Variants in COL4A3 observed in about 807,000 individuals in gnomAD.
COL4A3 encodes collagen alpha-3(IV) chain.
In COL4A3, 135 loss-of-function variants were observed where a neutral mutation model predicts 217.4. The ratio of observed to expected loss-of-function variants is 0.62; its 90% CI spans 0.54 to 0.72. The LOEUF (loss-of-function observed/expected upper bound fraction) is 0.72, where lower values mean the gene tolerates loss of function less well. COL4A3 is among the 30% of genes least tolerant of loss of function. COL4A3 has a pLI of 0.00. For missense variants in COL4A3, 1,868 were observed against 2,119.9 expected, an observed-to-expected ratio of 0.88 and a Z score of 2.33; for synonymous variants, 690 against 736.3, an observed-to-expected ratio of 0.94 and a Z score of 1.02.
At chr2:227,220,134 T>TTA (rs1553743804) in intron 1 of COL4A3, among the ~76,000 whole-genome samples, 34 of 98,358 alleles carry the variant, frequency 3.5e-4, no homozygotes, top group Admixed American at 3.9e-4. Flanking sequence ...TAAGGCGGTT[T>TTA]TATGTGTGTG....
At chr2:227,278,174 T>C (rs1228436374) in intron 28 of COL4A3, among the ~76,000 whole-genome samples, 1 of 152,042 alleles carries the variant, frequency 6.6e-6, no homozygotes, top group Non-Finnish European at 1.5e-5. Flanking sequence ...TGGCTGATTT[T>C]CCCATAAACT....
At position 227,250,444 on chromosome 2, in the gene COL4A3, G is replaced by A. The variant is rs2069672659; in HGVS notation, c.547-696G>A. On this transcript the variant is annotated intron_variant, in intron 9 of 51. Transcript: ENST00000396578. This position sits in a 1 kb window ranked among gnomAD's most constrained non-coding sequence, Gnocchi z 4.1. ...TGTGCCTGTAGTCCCAGCTACTTGG[G>A]AAAGCTGAGACAGGAAGGTCTCTTG... Among the ~76,000 whole-genome samples the A allele has an allele frequency of 6.6e-6, 1 of 152,132 alleles. No homozygotes were observed. Among genetic ancestry groups the A allele is most frequent in the Admixed American group, 6.5e-5 (1 of 15,274 alleles).
At chr2:227,305,344 G>A (rs1470183642) in intron 47 of COL4A3, 1 of 427,634 alleles carries the variant, frequency 2.3e-6, no homozygotes, top group Non-Finnish European at 4.4e-6. Flanking sequence ...GAACTAATAA[G>A]TCCTATGGGT....
At chr2:227,199,841 A>C (rs908898942) in intron 1 of COL4A3, among the ~76,000 whole-genome samples, 3 of 152,242 alleles carry the variant, frequency 2.0e-5, no homozygotes, top group African/African-American at 7.2e-5. Context: ...AAAACAAACA[A>C]ACAAACAAAA....
At chr2:227,214,320 C>T (rs1229224413) in intron 1 of COL4A3, among the ~76,000 whole-genome samples, 1 of 152,140 alleles carries the variant, frequency 6.6e-6, no homozygotes, top group Non-Finnish European at 1.5e-5. Context: ...TCTTAGATAG[C>T]CTTCAAACCC....
At chr2:227,263,708 T>C in intron 20 of COL4A3, 72 bp from the exon 21 acceptor site, 1 of 1,412,618 alleles carries the variant, frequency 7.1e-7, no homozygotes, top group Non-Finnish European at 9.7e-7. Context: ...TAAATCACTC[T>C]TGCAATTAAA....
chr2:227,263,930 C>T lies in COL4A3; in HGVS notation c.1301C>T (p.Pro434Leu), dbSNP rs1333655108. Reference sequence around the variant, plus strand: ...CCAGGTCTTCCAGGATCACCGGGACCTCCAGGACCGCCAGGTAAAGATGTG... The same window carrying T: ...CCAGGTCTTCCAGGATCACCGGGACTTCCAGGACCGCCAGGTAAAGATGTG... Reference protein sequence around the residue: ...GSPGLPGSPGPPGPPGDIVFR... With the variant: ...GSPGLPGSPGLPGPPGDIVFR... Residue 434 changes from proline (P) to leucine (L), a missense_variant, in exon 21 of 52, where the codon CCT (proline) becomes CTT (leucine). Pro to Leu is a moderately conservative substitution (Grantham distance 98, BLOSUM62 -3). This residue lies in a region of COL4A3 where 1,503 missense variants were observed against 1,786.1 expected (regional missense o/e 0.84). Transcript: ENST00000396578. 2 of 1,614,148 alleles carry T rather than the reference C, an allele frequency of 1.2e-6. No individual in the cohort carries two copies. Among genetic ancestry groups the T allele is most frequent in the Admixed American group, 1.7e-5 (1 of 60,026 alleles).
intron 1 of COL4A3, among the ~76,000 whole-genome samples, chr2:227,213,855 T>G (rs2067419210): frequency 8.0e-6 from 1 of 125,740 alleles, no homozygotes; most frequent in African/African-American, 3.2e-5. Flanking sequence ...TGAGCCAAGA[T>G]CACACCACTG....
At position 227,164,668 on chromosome 2, in the gene COL4A3, C is replaced by A; in HGVS notation, c.-59C>A. On this transcript the variant is annotated 5_prime_UTR_variant, in exon 1 of 52. Coordinates refer to ENST00000396578, the MANE Select transcript of COL4A3 (RefSeq NM_000091.5). The surrounding 1 kb of genome is among the most constrained non-coding windows in gnomAD (Gnocchi z 4.8). ...CCAGAGCCGCGCTGCGCAGGAGACG[C>A]GGTGGCCTGAGAGCCTGAGGGTCCC... 1 of 1,528,102 alleles carries A rather than the reference C, an allele frequency of 6.5e-7. No homozygotes were observed. The highest frequency in any genetic ancestry group is 2.0e-5 in the Admixed American group (1 of 50,838). The allele number at this position is 1,528,102 out of a possible 1,614,324, so 94.7% of individuals were successfully genotyped here.
In COL4A3 at chr2:227,164,770, CGCTCCTGCTGGT is replaced by C. The variant is rs940074065; in HGVS notation, c.52_63del (p.Leu18_Leu21del). The C allele has an allele frequency of 1.3e-6, 2 of 1,522,548 alleles. No individual in the cohort carries two copies. The highest frequency in any genetic ancestry group is 1.4e-5 in the African/African-American group (1 of 70,376). The allele number at this position is 1,522,548 out of a possible 1,614,324, so 94.3% of individuals were successfully genotyped here. ...CCCAGGCCGCAGGTGCTCCTGCTGC[CGCTCCTGCTGGT>C]GCTCCTGGCGGCGGCGCCCGCAGCC... On this transcript the variant is annotated inframe_deletion, in exon 1 of 52. Coordinates refer to ENST00000396578, the MANE Select transcript of COL4A3 (RefSeq NM_000091.5). This position sits in a 1 kb window ranked among gnomAD's most constrained non-coding sequence, Gnocchi z 4.8.
chr2:227,197,461 C>G (rs1308747531), intron 1 of COL4A3, among the ~76,000 whole-genome samples: 1 of 152,044 alleles, frequency 6.6e-6, no homozygotes, highest in African/African-American at 2.4e-5. Flanking sequence ...GATGTTTGCA[C>G]AATGACAAAA....
intron 9 of COL4A3, among the ~76,000 whole-genome samples, chr2:227,249,253 T>TTTTTA: frequency 2.5e-5 from 3 of 118,314 alleles, no homozygotes; most frequent in Non-Finnish European, 5.3e-5. Flanking sequence ...TTTTTTTTTT[T>TTTTTA]GAGAAGGAGT....
intron 50 of COL4A3, among the ~76,000 whole-genome samples, chr2:227,309,917 G>A (rs1402826766): frequency 6.6e-6 from 1 of 151,986 alleles, no homozygotes; most frequent in East Asian, 1.9e-4. Flanking sequence ...ATGAGTCACT[G>A]CACCCAGCCT....
intron 1 of COL4A3, among the ~76,000 whole-genome samples, chr2:227,180,253 A>T (rs184714615): frequency 6.6e-6 from 1 of 152,308 alleles, no homozygotes; most frequent in African/African-American, 2.4e-5. Context: ...CAGCCTCTGA[A>T]ATCTTATGAG....
In COL4A3 at chr2:227,178,035, T is replaced by C. The variant is rs150230152; in HGVS notation, c.87+13222T>C. Among the ~76,000 whole-genome samples the C allele has an allele frequency of 1.8e-4, 27 of 152,310 alleles. No individual in the cohort carries two copies. In the East Asian group the frequency reaches 4.6e-3, roughly 26 times the overall value. ...AAATTGTATGCTGAGATTGCTGAGA[T>C]CTACGGTAAGAACAAATCTTCTATT... is the stretch of plus-strand genomic sequence containing the variant. On this transcript the variant is annotated intron_variant, in intron 1 of 51. Transcript: ENST00000396578.
intron 1 of COL4A3, among the ~76,000 whole-genome samples, chr2:227,198,860 T>C (rs1376636242): frequency 4.6e-5 from 7 of 152,164 alleles, no homozygotes; most frequent in Admixed American, 3.3e-4. Context: ...TTGAAGGCAA[T>C]GGGGAAGCAG....
intron 1 of COL4A3, among the ~76,000 whole-genome samples, chr2:227,234,838 GC>G (rs1415252831): frequency 6.6e-6 from 1 of 152,120 alleles, no homozygotes; most frequent in African/African-American, 2.4e-5. Flanking sequence ...CTGTCTCAAG[GC>G]CCCCACACCT....
Position 227,282,303 on chromosome 2 carries a change from TC to T in COL4A3, c.2489-61del, listed in dbSNP as rs2072033008. 1.1e-5 allele frequency: 10 copies of T among 947,354 alleles called. No individual in the cohort carries two copies. In the East Asian group the frequency reaches 3.0e-4, roughly 29 times the overall value. The allele number at this position is 947,354 out of a possible 1,614,324, so 58.7% of individuals were successfully genotyped here. ...ATATATATATATATATATATATATT[TC>T]TGAAGTTAGTAGGGGAAAGCATTTG... On this transcript the variant is annotated intron_variant, in intron 31 of 51. Coordinates refer to ENST00000396578, the MANE Select transcript of COL4A3 (RefSeq NM_000091.5). The surrounding 1 kb of genome is among the most constrained non-coding windows in gnomAD (Gnocchi z 4.4).
At chr2:227,221,214 C>T (rs1159754627) in intron 1 of COL4A3, 2 of 152,232 alleles carry the variant, frequency 1.3e-5, no homozygotes, top group East Asian at 3.8e-4. Flanking sequence ...CCCTGTAAGA[C>T]AGTACTCTTG....
Sources: allele counts gnomAD v4.1 joint callset (sites outside exome capture counted in the v4.1 genomes callset), GRCh38; gene constraint gnomAD v4.1.1; regional missense constraint gnomAD v4.1.1; non-coding constraint Gnocchi (gnomAD v3.1); transcripts MANE v1.5; gene names NCBI Gene and HGNC (gene_info 2026-07-23, HGNC 2026-07-21).